Variants in ERC2 observed in about 807,000 individuals in gnomAD.
The protein encoded by ERC2 is ERC protein 2.
ERC2 carries 42 observed loss-of-function variants against 114.8 expected under a neutral mutation model. The observed-to-expected ratio is 0.37, with a 90% confidence interval of 0.29 to 0.47. ERC2 has a LOEUF of 0.47. Among genes scored for constraint, ERC2 ranks in the 20% least tolerant of loss-of-function variants. The pLI, the probability that ERC2 is intolerant of heterozygous loss-of-function variation, is 0.99. For missense variants in ERC2, 939 were observed against 1,150.7 expected (o/e 0.82, Z 2.66); for synonymous variants, 454 against 425.5 (o/e 1.07, Z -0.82).
intron 2 of ERC2, among the ~76,000 whole-genome samples, chr3:56,360,052 A>G (rs921433810): frequency 5.4e-5 from 8 of 147,656 alleles, no homozygotes; most frequent in African/African-American, 2.0e-4. Flanking sequence ...CCTCAATAGT[A>G]ACAAAAATCT....
chr3:55,752,243 G>A (rs1396362444), intron 14 of ERC2, among the ~76,000 whole-genome samples: 3 of 152,200 alleles, frequency 2.0e-5, no homozygotes, highest in African/African-American at 7.2e-5. Flanking sequence ...TATGAGCTGA[G>A]GGTCATCCTA....
intron 14 of ERC2, among the ~76,000 whole-genome samples, chr3:55,807,073 C>T (rs2059523017): frequency 6.6e-6 from 1 of 152,270 alleles, no homozygotes; most frequent in Non-Finnish European, 1.5e-5. Flanking sequence ...CAAGAGAGAT[C>T]AAAGACTTCC....
intron 2 of ERC2, among the ~76,000 whole-genome samples, chr3:56,343,494 T>C (rs2058186317): frequency 1.3e-5 from 2 of 151,934 alleles, no homozygotes; most frequent in South Asian, 4.2e-4. Context: ...GCCATAGATC[T>C]GTAATTCCAG....
chr3:56,451,566 G>A (rs937105778), intron 1 of ERC2, among the ~76,000 whole-genome samples: 1 of 152,166 alleles, frequency 6.6e-6, no homozygotes, highest in Non-Finnish European at 1.5e-5. Flanking sequence ...ATCAAGTTCA[G>A]GGTGCTGAAT....
intron 7 of ERC2, among the ~76,000 whole-genome samples, chr3:56,033,969 T>A (rs1210382570): frequency 6.6e-6 from 1 of 152,042 alleles, no homozygotes; most frequent in African/African-American, 2.4e-5. Flanking sequence ...ATCAGGATAA[T>A]CAGGATAATT....
At chr3:55,578,061 C>T (rs930826400) in intron 17 of ERC2, among the ~76,000 whole-genome samples, 2 of 152,136 alleles carry the variant, frequency 1.3e-5, no homozygotes, top group African/African-American at 4.8e-5. Flanking sequence ...CAGGATATGG[C>T]GAATTCTGTA....
chr3:56,243,406 C>T (rs887297476), intron 3 of ERC2, among the ~76,000 whole-genome samples: 4 of 152,130 alleles, frequency 2.6e-5, no homozygotes, highest in African/African-American at 4.8e-5. Flanking sequence ...GAAAAAGATC[C>T]GCTGAATTAT....
At chr3:55,955,719 T>C (rs780895267) in intron 12 of ERC2, among the ~76,000 whole-genome samples, 2 of 152,228 alleles carry the variant, frequency 1.3e-5, no homozygotes, top group African/African-American at 4.8e-5. Flanking sequence ...ACCAGTCTTT[T>C]TGTGGATATA....
At chr3:56,298,533 T>TA (rs2055607722) in intron 2 of ERC2, among the ~76,000 whole-genome samples, 1 of 152,048 alleles carries the variant, frequency 6.6e-6, no homozygotes, top group Non-Finnish European at 1.5e-5. Flanking sequence ...TATTCAGCCA[T>TA]AAAAAGGAAT....
intron 14 of ERC2, among the ~76,000 whole-genome samples, chr3:55,789,309 T>C (rs1055647090): frequency 1.3e-5 from 2 of 152,184 alleles, no homozygotes; most frequent in Admixed American, 6.5e-5. Flanking sequence ...TCCAAGTCCA[T>C]AGGGAAGCTG....
At chr3:55,942,959 G>A (rs777477461) in intron 13 of ERC2, among the ~76,000 whole-genome samples, 3 of 152,176 alleles carry the variant, frequency 2.0e-5, no homozygotes, top group Non-Finnish European at 4.4e-5. Flanking sequence ...CTCTGCCTTG[G>A]GCAGTGATGT....
At chr3:56,204,936 G>C (rs2048628932) in intron 3 of ERC2, among the ~76,000 whole-genome samples, 1 of 150,348 alleles carries the variant, frequency 6.7e-6, no homozygotes, top group Non-Finnish European at 1.5e-5. Context: ...GTGTGTGTGT[G>C]TGTGTGTGTG....
intron 12 of ERC2, among the ~76,000 whole-genome samples, chr3:55,962,896 A>G (rs1040691388): frequency 1.2e-4 from 18 of 152,354 alleles, no homozygotes; most frequent in African/African-American, 4.3e-4. Context: ...TCTATGGAGC[A>G]CAAATGGGAA....
At chr3:55,721,851 T>C (rs889469056) in intron 15 of ERC2, among the ~76,000 whole-genome samples, 2 of 152,212 alleles carry the variant, frequency 1.3e-5, no homozygotes, top group Admixed American at 6.5e-5. Flanking sequence ...CCCAGCACCC[T>C]AAGTGGCTTC....
At chr3:55,947,537 A>G (rs2067206323) in intron 13 of ERC2, among the ~76,000 whole-genome samples, 1 of 151,598 alleles carries the variant, frequency 6.6e-6, no homozygotes, top group African/African-American at 2.4e-5. Context: ...AGTAGGCCTT[A>G]TGAGGCCTAG....
intron 13 of ERC2, among the ~76,000 whole-genome samples, chr3:55,911,402 T>G (rs958934301): frequency 3.9e-5 from 6 of 152,118 alleles, no homozygotes; most frequent in Middle Eastern, 6.3e-3. Flanking sequence ...AATATTCTAG[T>G]AAGGGAAAGA....
chr3:55,706,108 C>T lies in ERC2; in HGVS notation c.2713-6596G>A, dbSNP rs1350643470. ...TCACGCCCCTGAAACAACTCTAAAT[C>T]TGTGAGGGAAGGAGATGGTACATAA... On this transcript the variant is annotated intron_variant, in intron 15 of 17. Transcript: ENST00000288221. Among the ~76,000 whole-genome samples the T allele has an allele frequency of 2.0e-5, 3 of 152,132 alleles. 1 individual carries two copies. Among genetic ancestry groups the T allele is most frequent in the Admixed American group, 2.0e-4 (3 of 15,278 alleles).
intron 7 of ERC2, among the ~76,000 whole-genome samples, chr3:56,075,292 C>A (rs754786776): frequency 1.3e-5 from 2 of 152,104 alleles, no homozygotes; most frequent in African/African-American, 2.4e-5. Context: ...TGACTCTTGA[C>A]TGACAGTGCA....
intron 17 of ERC2, among the ~76,000 whole-genome samples, chr3:55,513,953 C>A (rs2052302985): frequency 6.6e-6 from 1 of 152,250 alleles, no homozygotes; most frequent in Admixed American, 6.5e-5. Flanking sequence ...TAGAGAGTAC[C>A]TCAGGTAGGC....
Sources: allele counts gnomAD v4.1 joint callset (sites outside exome capture counted in the v4.1 genomes callset), GRCh38; gene constraint gnomAD v4.1.1; transcripts MANE v1.5; gene names NCBI Gene and HGNC (gene_info 2026-07-23, HGNC 2026-07-21).